MBD1: variants seen among roughly 807,000 people sequenced by gnomAD.
The protein encoded by MBD1 is methyl-CpG-binding domain protein 1.
MBD1 carries 25 observed loss-of-function variants against 82.6 expected under a neutral mutation model. The ratio of observed to expected loss-of-function variants is 0.30; its 90% CI spans 0.22 to 0.42. The LOEUF (loss-of-function observed/expected upper bound fraction) is 0.42. MBD1 is among the 10% of genes least tolerant of loss of function. The pLI is 1.00. For synonymous variants in MBD1, 301 were observed against 303.7 expected (o/e 0.99, Z 0.09); for missense variants, 627 against 819.6 (o/e 0.76, Z 2.87).
At chr18:50,271,671 T>C (rs1041605843) in intron 15 of MBD1, 131 bp from the exon 16 acceptor site, 2 of 1,016,444 alleles carry the variant, frequency 2.0e-6, no homozygotes, top group African/African-American at 1.6e-5. Context: ...TCTTTTTTTA[T>C]ATCTTCTAAA....
intron 11 of MBD1, 33 bp from the exon 12 acceptor site, chr18:50,273,896 G>A: frequency 1.2e-6 from 2 of 1,607,126 alleles, no homozygotes; most frequent in Non-Finnish European, 8.5e-7. Flanking sequence ...ATGGCTACCT[G>A]GTGTCCTGAC....
intron 8 of MBD1, 65 bp from the exon 9 acceptor site, chr18:50,275,310 A>G (rs561493518): frequency 1.1e-4 from 180 of 1,610,712 alleles, no homozygotes; most frequent in Non-Finnish European, 1.5e-4. Flanking sequence ...AACTCCCCAC[A>G]CCCTAAGTGC....
chr18:50,274,933 G>T (rs191178908), intron 10 of MBD1, 44 bp downstream of exon 10: 19 of 1,597,522 alleles, frequency 1.2e-5, no homozygotes, highest in Non-Finnish European at 1.7e-6. Context: ...TTAACCAAGC[G>T]TCCTGAGATT....
rs2036182937 is a variant in MBD1 at position 50,272,843 on chromosome 18, C to T, written c.1697G>A (p.Gly566Glu). The change falls in exon 14 of 17, where the codon GGA (glycine) becomes GAA (glutamate). Residue 566 changes from glycine to glutamate, a missense_variant. This residue lies in a region of MBD1 where 265 missense variants were observed against 278.4 expected (regional missense o/e 0.95). Coordinates refer to ENST00000269468, the MANE Select transcript of MBD1 (RefSeq NM_015846.4). ...ACTGACCACGGGTGTGCCAGCCCCT[C>T]CTGCCTCTTCCTCTGGGGCCAATTT... ...ASKLAPEEEA[G>E]GAGTPVITEI... The T allele has an allele frequency of 2.5e-6, 4 of 1,614,210 alleles. No homozygotes were observed. Among genetic ancestry groups the T allele is most frequent in the Non-Finnish European group, 3.4e-6 (4 of 1,180,026 alleles).
At chr18:50,273,171 C>A in intron 13 of MBD1, 163 bp downstream of exon 13, 1 of 1,255,214 alleles carries the variant, frequency 8.0e-7, no homozygotes. Context: ...AGCTAGTTGC[C>A]TGTGGGAGGT....
intron 6 of MBD1, 184 bp from the exon 7 acceptor site, chr18:50,276,165 T>C: frequency 1.2e-6 from 1 of 842,932 alleles, no homozygotes; most frequent in South Asian, 1.5e-5. Flanking sequence ...ACTGGTCCCC[T>C]GTTCACTTCA....
At chr18:50,274,888 C>A in intron 10 of MBD1, 89 bp downstream of exon 10, 1 of 1,362,838 alleles carries the variant, frequency 7.3e-7, no homozygotes, top group South Asian at 1.2e-5. Flanking sequence ...TTGCTGTTCC[C>A]CAATAGGCTC....
rs575299573 is a variant in MBD1, at chr18:50,275,624, T to C, written c.768A>G (p.Lys256=). The C allele has an allele frequency of 2.5e-6, 4 of 1,614,136 alleles. No individual in the cohort carries two copies. The South Asian group carries it at 4.4e-5, about 18-fold the overall frequency. The part of the protein sequence containing the change: ...PPRPGLRRQW[K]CVQRRCLRGK... ...CCCGTAGGCAACGTCGCTGGACACA[T>C]TTCCACTGGCGCCTGAGACCAGGGC... The change falls in exon 8 of 17, where the codon AAA becomes AAG. Residue 256 remains lysine, a synonymous_variant. Transcript: ENST00000269468.
Position 50,273,468 on chromosome 18 carries a change from C to T in MBD1, c.1450G>A (p.Ala484Thr), listed in dbSNP as rs1433483151. The T allele has an allele frequency of 6.2e-7, 1 of 1,614,044 alleles. No homozygotes were observed. ...ACCCAACTCAGGCCAGAGCACTGGG[C>T]CTCCTGCGTGAGGGAGGATTGCAGC... ...AASTEALLQE[A>T]QCSGLSWVVA... is the part of the protein sequence containing the mutation. Residue 484 changes from alanine to threonine, a missense_variant, in exon 13 of 17, where the codon GCC becomes ACC. Physicochemically the swap from Ala to Thr is moderately conservative, Grantham distance 58. This residue lies in a region of MBD1 where 265 missense variants were observed against 278.4 expected (regional missense o/e 0.95). Coordinates refer to ENST00000269468, the MANE Select transcript of MBD1 (RefSeq NM_015846.4).
intron 3 of MBD1, 30 bp downstream of exon 3, chr18:50,277,060 C>G (rs1281093963): frequency 3.7e-6 from 6 of 1,613,534 alleles, no homozygotes; most frequent in Non-Finnish European, 5.1e-6. Flanking sequence ...CACATCCACC[C>G]CTACCTAGGT....
rs143072804 is a variant in MBD1, at chr18:50,269,822, C to T, written c.*33-4G>A. ...TCCCGAGTGCCTGCCCTGCAGACTT[C>T]AAGCTCCAGCATTAGATGCAAAGAC... On this transcript the variant is annotated splice_region_variant and splice_polypyrimidine_tract_variant and intron_variant, in intron 16 of 16. Transcript: ENST00000269468. 1 of 803,670 alleles carries T rather than the reference C, an allele frequency of 1.2e-6. No homozygotes were observed. Among genetic ancestry groups the T allele is most frequent in the Admixed American group, 1.7e-5 (1 of 59,070 alleles). The allele number at this position is 803,670 out of a possible 1,614,324, so 49.8% of individuals were successfully genotyped here.
Position 50,269,169 on chromosome 18 carries a change from C to G in MBD1, c.*682G>C, listed in dbSNP as rs932506873. On this transcript the variant is annotated 3_prime_UTR_variant, in exon 17 of 17. Coordinates refer to ENST00000269468, the MANE Select transcript of MBD1 (RefSeq NM_015846.4). ...TAAATGACACAAAAATAGCCAGGAC[C>G]AGCAAGTTTTTTCTGGGTGGGCTTC... 17 of 1,040,728 alleles carry G rather than the reference C, an allele frequency of 1.6e-5. No individual in the cohort carries two copies. The highest frequency in any genetic ancestry group is 1.7e-5 in the Non-Finnish European group (15 of 863,374). 64.5% of individuals were successfully genotyped at this position (1,040,728 alleles called of 1,614,324 possible). A position where few individuals can be genotyped will look rare whatever the true frequency, so the allele number is the denominator to read the frequency against.
At chr18:50,268,253 CG>C (rs2034176319), downstream of MBD1, among the ~76,000 whole-genome samples, 1 of 152,214 alleles carries the variant, frequency 6.6e-6, no homozygotes, top group African/African-American at 2.4e-5. Context: ...GGCGCAGATT[CG>C]GGGCCGCCCG....
chr18:50,276,630 TC>T (rs764398508), intron 5 of MBD1, 31 bp downstream of exon 5: 2 of 1,611,174 alleles, frequency 1.2e-6, no homozygotes, highest in Admixed American at 3.3e-5. Context: ...AGCTCCTATC[TC>T]CCGATGCCCC....
chr18:50,276,946 G>A lies in MBD1; in HGVS notation c.278C>T (p.Ala93Val). The A allele has an allele frequency of 1.2e-6, 2 of 1,614,198 alleles. No homozygotes were observed. The highest frequency in any genetic ancestry group is 1.7e-6 in the Non-Finnish European group (2 of 1,180,032). Residue 93 changes from alanine to valine, a missense_variant, in exon 4 of 17, where the codon GCC (alanine) becomes GTC (valine). Transcript: ENST00000269468. ...TCCAACCTGACGTTTCCGAGTCTTG[G>A]CTGGCCTTGAAGGCTTCTTTCGCTT... ...SKKRKKPSRPAKTRKRQVGPQ... is the reference protein window; with the variant it reads ...SKKRKKPSRPVKTRKRQVGPQ...
downstream of MBD1, chr18:50,267,768 G>T (rs2034082271): frequency 2.7e-6 from 2 of 738,836 alleles, no homozygotes; most frequent in East Asian, 2.7e-5. Context: ...ACGTCAAACT[G>T]ACATATAATA....
downstream of MBD1, chr18:50,267,762 C>T (rs1303326653): frequency 2.6e-6 from 2 of 757,086 alleles, no homozygotes; most frequent in African/African-American, 1.7e-5. Flanking sequence ...GTACCTACGT[C>T]AAACTGACAT....
rs776829487 is a variant in MBD1, at chr18:50,275,550, GCGA to G, written c.792+47_792+49del. Reference sequence around the variant, plus strand: ...GCCAGGTTGAAAGGAAGCAGAGGCAGCGACGATTTTAACAGCAGAATGAGCTCT... The same window carrying G: ...GCCAGGTTGAAAGGAAGCAGAGGCAGCGATTTTAACAGCAGAATGAGCTCT... On this transcript the variant is annotated intron_variant, in intron 8 of 16. Coordinates refer to ENST00000269468, the MANE Select transcript of MBD1 (RefSeq NM_015846.4). 2.5e-6 allele frequency: 4 copies of G among 1,613,702 alleles called. No homozygotes were observed. The African/African-American group carries it at 5.3e-5, about 22-fold the overall frequency.
At chr18:50,276,292 C>G (rs113665676) in intron 6 of MBD1, 86 bp downstream of exon 6, 3 of 1,358,722 alleles carry the variant, frequency 2.2e-6, no homozygotes, top group Middle Eastern at 2.0e-4. Flanking sequence ...ATCCTGTGGA[C>G]CCATCATCAT....
Sources: allele counts gnomAD v4.1 joint callset (sites outside exome capture counted in the v4.1 genomes callset), GRCh38; gene constraint gnomAD v4.1.1; regional missense constraint gnomAD v4.1.1; transcripts MANE v1.5; gene names NCBI Gene and HGNC (gene_info 2026-07-23, HGNC 2026-07-21).